The following SLC14A2 variants were observed in gnomAD, a reference collection of about 807,000 sequenced individuals.
SLC14A2 encodes urea transporter 2.
Under a neutral mutation model 104.6 loss-of-function variants are expected in SLC14A2, and 91 were observed. That is an observed-to-expected ratio of 0.87 (90% confidence interval 0.73 to 1.04). The LOEUF is 1.04. Ranked by LOEUF, SLC14A2 falls within the 50% of genes least tolerant of loss-of-function variation. The pLI is 0.00. For synonymous variants in SLC14A2, 476 were observed against 466.4 expected (o/e 1.02, Z -0.27); for missense variants, 1,189 against 1,156.0 (o/e 1.03, Z -0.41).
intron 4 of SLC14A2, 107 bp from the exon 5 acceptor site, chr18:45,632,243 A>G: frequency 1.4e-6 from 2 of 1,413,758 alleles, no homozygotes; most frequent in South Asian, 2.8e-5. Context: ...TCTAAGCATT[A>G]TTATTAAAGG....
At chr18:45,291,035 T>A (rs940291195) in intron 1 of SLC14A2, among the ~76,000 whole-genome samples, 1 of 152,196 alleles carries the variant, frequency 6.6e-6, no homozygotes, top group African/African-American at 2.4e-5. Context: ...GAATTTTGAA[T>A]GTTAGAAAGT....
chr18:45,465,154 CAGAG>C (rs1204581176), intron 1 of SLC14A2, among the ~76,000 whole-genome samples: 5 of 151,730 alleles, frequency 3.3e-5, no homozygotes, highest in South Asian at 2.1e-4. Context: ...AGAGGAGGGT[CAGAG>C]AGAGAGAGAA....
intron 1 of SLC14A2, among the ~76,000 whole-genome samples, chr18:45,263,729 G>T (rs372480785): frequency 2.0e-5 from 3 of 152,128 alleles, no homozygotes; most frequent in East Asian, 3.9e-4. Flanking sequence ...TACAGATCAG[G>T]TCATTGAGAG....
At chr18:45,200,567 C>T in the SLC14A2 span, among the ~76,000 whole-genome samples, 1 of 151,948 alleles carries the variant, frequency 6.6e-6, no homozygotes, top group African/African-American at 2.4e-5. Context: ...TTGTTTTTTT[C>T]ATATGCCATT....
intron 2 of SLC14A2, among the ~76,000 whole-genome samples, chr18:45,560,855 T>C (rs2044191586): frequency 6.6e-6 from 1 of 152,058 alleles, no homozygotes; most frequent in African/African-American, 2.4e-5. Context: ...ACTCTAGAAA[T>C]TCTAGCCTCA....
At chr18:45,194,746 C>T in the SLC14A2 span, among the ~76,000 whole-genome samples, 885 of 148,270 alleles carry the variant, frequency 6.0e-3, 6 homozygotes, top group Admixed American at 0.015. Flanking sequence ...CCTGGGTTCA[C>T]GCCATTCTTC....
At chr18:45,362,304 A>G (rs1420506504) in intron 1 of SLC14A2, among the ~76,000 whole-genome samples, 1 of 152,174 alleles carries the variant, frequency 6.6e-6, no homozygotes, top group Non-Finnish European at 1.5e-5. Flanking sequence ...GGAGTGTGAA[A>G]ACAAACTAAC....
Position 45,667,031 on chromosome 18 carries a change from A to C in SLC14A2, c.1654A>C (p.Arg552=). 6.2e-7 allele frequency: 1 copy of C among 1,613,716 alleles called. No homozygotes were observed. Among genetic ancestry groups the C allele is most frequent in the Non-Finnish European group, 8.5e-7 (1 of 1,179,596 alleles). Residue 552 remains arginine, a synonymous_variant, in exon 13 of 20, where the codon AGG becomes CGG. Coordinates refer to ENST00000255226, the MANE Select transcript of SLC14A2 (RefSeq NM_007163.4). ...IRSSMAASGK[R]VSKALSYITG... is the part of the protein sequence containing the mutation. ...GAGTTCCATGGCTGCCAGTGGGAAA[A>C]GGGTCAGCAAAGCCCTCAGCTACAT...
chr18:45,360,615 C>A (rs948424623), intron 1 of SLC14A2, among the ~76,000 whole-genome samples: 5 of 152,204 alleles, frequency 3.3e-5, no homozygotes, highest in African/African-American at 1.2e-4. Context: ...CCCCAGACAA[C>A]ATAGAAAGAA....
upstream of SLC14A2, among the ~76,000 whole-genome samples, chr18:45,209,753 G>C (rs1411590710): frequency 6.6e-6 from 1 of 152,174 alleles, no homozygotes; most frequent in African/African-American, 2.4e-5. Flanking sequence ...TGCAGGGAAA[G>C]AATCGAGACA....
At chr18:45,170,869 T>C in the SLC14A2 span, among the ~76,000 whole-genome samples, 1 of 152,162 alleles carries the variant, frequency 6.6e-6, no homozygotes, top group African/African-American at 2.4e-5. Context: ...CACAGGAATC[T>C]ACCAATTACA....
At chr18:45,291,335 G>A (rs114187573) in intron 1 of SLC14A2, among the ~76,000 whole-genome samples, 6 of 152,120 alleles carry the variant, frequency 3.9e-5, no homozygotes, top group Non-Finnish European at 7.4e-5. Flanking sequence ...TCCCATAAAG[G>A]TTGCGTGGTA....
At chr18:45,254,503 A>G (rs1202966198) in intron 1 of SLC14A2, among the ~76,000 whole-genome samples, 1 of 152,214 alleles carries the variant, frequency 6.6e-6, no homozygotes, top group African/African-American at 2.4e-5. Context: ...AAGTGCAAAT[A>G]TAAACCATCC....
chr18:45,343,071 A>C (rs991772650), intron 1 of SLC14A2, among the ~76,000 whole-genome samples: 1 of 151,904 alleles, frequency 6.6e-6, no homozygotes, highest in Non-Finnish European at 1.5e-5. Flanking sequence ...GGATAGAGGA[A>C]CCTAAATCTG....
At chr18:45,530,611 A>G (rs2043669348) in intron 2 of SLC14A2, among the ~76,000 whole-genome samples, 2 of 152,210 alleles carry the variant, frequency 1.3e-5, no homozygotes, top group South Asian at 4.1e-4. Flanking sequence ...GTGTCAAACA[A>G]TGGCCAATAA....
At chr18:45,568,464 A>T (rs1416081720) in intron 2 of SLC14A2, among the ~76,000 whole-genome samples, 1 of 152,248 alleles carries the variant, frequency 6.6e-6, no homozygotes, top group Non-Finnish European at 1.5e-5. Context: ...CATTTGAGGC[A>T]CATGGTAGGA....
intron 1 of SLC14A2, among the ~76,000 whole-genome samples, chr18:45,394,806 G>C (rs1293408812): frequency 6.6e-6 from 1 of 152,054 alleles, no homozygotes; most frequent in Non-Finnish European, 1.5e-5. Context: ...CCATTCTGTA[G>C]GTTGCTTTTT....
intron 1 of SLC14A2, among the ~76,000 whole-genome samples, chr18:45,620,559 G>C (rs892910083): frequency 1.3e-5 from 2 of 152,132 alleles, no homozygotes; most frequent in African/African-American, 2.4e-5. Flanking sequence ...GGATTTTTAG[G>C]TGTAAGGCTT....
intron 2 of SLC14A2, among the ~76,000 whole-genome samples, chr18:45,544,542 G>A (rs776546969): frequency 6.6e-6 from 1 of 151,966 alleles, no homozygotes; most frequent in African/African-American, 2.4e-5. Context: ...GATGAAATAT[G>A]TGGTTATTTT....
Sources: allele counts gnomAD v4.1 joint callset (sites outside exome capture counted in the v4.1 genomes callset), GRCh38; gene constraint gnomAD v4.1.1; transcripts MANE v1.5; gene names NCBI Gene and HGNC (gene_info 2026-07-23, HGNC 2026-07-21).